LAMC3: variants seen among roughly 807,000 people sequenced by gnomAD.
LAMC3 encodes the protein laminin subunit gamma 3.
In LAMC3, 128 loss-of-function variants were observed where a neutral mutation model predicts 173.8. The ratio of observed to expected loss-of-function variants is 0.74; its 90% confidence interval spans 0.64 to 0.85. The LOEUF (loss-of-function observed/expected upper bound fraction) is 0.85. Ranked by LOEUF, LAMC3 falls within the 40% of genes least tolerant of loss-of-function variation. The pLI, the probability that LAMC3 is intolerant of heterozygous loss-of-function variation, is 0.00. For missense variants in LAMC3, 2,022 were observed against 2,156.0 expected (o/e 0.94, Z 1.23); for synonymous variants, 897 against 909.1 (o/e 0.99, Z 0.24).
At chr9:131,034,645 G>A (rs1331642367) in intron 3 of LAMC3, among the ~76,000 whole-genome samples, 1 of 152,224 alleles carries the variant, frequency 6.6e-6, no homozygotes, top group African/African-American at 2.4e-5. Flanking sequence ...GTGTGGAATG[G>A]GGACGCTAAT....
In LAMC3 at chr9:131,085,509, C is replaced by T. The variant is rs373166874; in HGVS notation, c.4031-15C>T. 2 of 1,613,394 alleles carry T rather than the reference C, an allele frequency of 1.2e-6. No homozygotes were observed. The highest frequency in any genetic ancestry group is 1.7e-5 in the Admixed American group (1 of 60,012). On this transcript the variant is annotated splice_polypyrimidine_tract_variant and intron_variant, in intron 24 of 27. Transcript: ENST00000361069. ...GAGCCCAGTTCCCCTGACCCAGCCT[C>T]AGCCGGGTTTGCAGGAATGAAGCTG...
chr9:131,071,345 A>G lies in LAMC3; in HGVS notation c.3070-139A>G, dbSNP rs1050588876. The G allele has an allele frequency of 9.9e-6, 9 of 907,672 alleles. No individual in the cohort carries two copies. The African/African-American group carries it at 1.3e-4, about 13-fold the overall frequency. The allele number at this position is 907,672 out of a possible 1,614,324, so 56.2% of individuals were successfully genotyped here. ...GGATTGGCTCTCAGAGGTGTGGCAT[A>G]CCCTTAGCGCTGAGGCCCAGGGGAG... On this transcript the variant is annotated intron_variant, in intron 17 of 27. Transcript: ENST00000361069.
At chr9:131,085,379 G>A (rs1830310843) in intron 24 of LAMC3, 145 bp from the exon 25 acceptor site, 2 of 769,660 alleles carry the variant, frequency 2.6e-6, no homozygotes, top group African/African-American at 3.4e-5. Flanking sequence ...AGCCTGAGAA[G>A]GCGATATGCA....
rs769896976 is a variant in LAMC3 at position 131,071,642 on chromosome 9, G to C, written c.3211+17G>C. On this transcript the variant is annotated intron_variant, in intron 18 of 27. Transcript: ENST00000361069. ...TGCTTCCAGGTACAGCAGGAGCGCA[G>C]AGCGGGAGGGTGGGAGGCAAGGGGA... 6.5e-7 allele frequency: 1 copy of C among 1,541,198 alleles called. No homozygotes were observed. Among genetic ancestry groups the C allele is most frequent in the South Asian group, 1.2e-5 (1 of 80,308 alleles).
At chr9:131,083,596 C>G (rs958869276) in intron 24 of LAMC3, among the ~76,000 whole-genome samples, 3 of 152,104 alleles carry the variant, frequency 2.0e-5, no homozygotes, top group African/African-American at 7.2e-5. Context: ...TTACAGAGAA[C>G]GCTTGAGAAT....
In LAMC3 at chr9:131,019,198, G is replaced by A. The variant is rs1833584209; in HGVS notation, c.374-7087G>A. On this transcript the variant is annotated intron_variant, in intron 1 of 27. Transcript: ENST00000361069. ...AATGGCTTGAATCCAGGGGACGGAG[G>A]TTGAAGTGAGCCAAGATCACGCCAC... Among the ~76,000 whole-genome samples, 3 of 152,194 alleles carry A rather than the reference G, an allele frequency of 2.0e-5. No individual in the cohort carries two copies. The South Asian group carries it at 6.2e-4, about 32-fold the overall frequency.
intron 1 of LAMC3, among the ~76,000 whole-genome samples, chr9:131,015,896 G>C (rs1029099191): frequency 1.3e-5 from 2 of 152,218 alleles, no homozygotes; most frequent in Non-Finnish European, 2.9e-5. Flanking sequence ...GACCTCAGGT[G>C]ATCTGCCCTC....
Position 131,026,557 on chromosome 9 carries a change from G to A in LAMC3, c.646G>A (p.Ala216Thr), listed in dbSNP as rs766172425. The A allele has an allele frequency of 4.5e-5, 73 of 1,606,356 alleles. 1 individual carries two copies. Among genetic ancestry groups the A allele is most frequent in the South Asian group, 3.8e-4 (34 of 90,360 alleles). The change falls in exon 2 of 28, where the codon GCC becomes ACC. Residue 216 changes from alanine to threonine, a missense_variant. Ala to Thr is a moderately conservative substitution (Grantham distance 58, BLOSUM62 0). Coordinates refer to ENST00000361069, the MANE Select transcript of LAMC3 (RefSeq NM_006059.4). The surrounding 1 kb of genome is among the most constrained non-coding windows in gnomAD (Gnocchi z 4.8). Reference protein sequence around the residue: ...AFSTLEGRPSAYNFEESPGLQ... With the variant: ...AFSTLEGRPSTYNFEESPGLQ... ...CTCCACCCTGGAGGGCCGGCCCAGCGCCTACAACTTCGAGGAGAGCCCTGG... is the reference window on the plus strand; with the variant it reads ...CTCCACCCTGGAGGGCCGGCCCAGCACCTACAACTTCGAGGAGAGCCCTGG...
At position 131,091,892 on chromosome 9, in the gene LAMC3, G is replaced by A. The variant is rs139503002; in HGVS notation, c.*105G>A. ...GCCCATACAGACATTCCCCGGAGCCGGCTGCTGTGAACTCGCCCCCGTGTG... is the reference window on the plus strand; with the variant it reads ...GCCCATACAGACATTCCCCGGAGCCAGCTGCTGTGAACTCGCCCCCGTGTG... On this transcript the variant is annotated 3_prime_UTR_variant, in exon 28 of 28. Transcript: ENST00000361069. 1.1e-3 allele frequency: 1,617 copies of A among 1,423,140 alleles called. 12 individuals are homozygous for A. In the African/African-American group the frequency reaches 0.015, roughly 13 times the overall value. 88.2% of individuals were successfully genotyped at this position (1,423,140 alleles called of 1,614,324 possible).
At position 131,056,904 on chromosome 9, in the gene LAMC3, TCCTCTCTC is replaced by T. The variant is rs1300097975; in HGVS notation, c.1940-21_1940-14del. On this transcript the variant is annotated splice_polypyrimidine_tract_variant and intron_variant, in intron 11 of 27. Transcript: ENST00000361069. Reference sequence around the variant, plus strand: ...TGCAGGGAGCTTGTGCCTCCTCTCTTCCTCTCTCCCTTCTCGCTCTGCAGGTCCAGTGT... The same window carrying T: ...TGCAGGGAGCTTGTGCCTCCTCTCTTCCTTCTCGCTCTGCAGGTCCAGTGT... 1.9e-6 allele frequency: 3 copies of T among 1,595,742 alleles called. No individual in the cohort carries two copies. Among genetic ancestry groups the T allele is most frequent in the Non-Finnish European group, 2.6e-6 (3 of 1,168,262 alleles).
At chr9:131,054,913 C>T (rs1439384616) in intron 11 of LAMC3, among the ~76,000 whole-genome samples, 1 of 152,162 alleles carries the variant, frequency 6.6e-6, no homozygotes, top group African/African-American at 2.4e-5. Context: ...TTTTTGTCAG[C>T]TAACAGTGCG....
intron 25 of LAMC3, 79 bp downstream of exon 25, chr9:131,085,802 C>A: frequency 7.4e-7 from 1 of 1,346,646 alleles, no homozygotes; most frequent in South Asian, 1.2e-5. Flanking sequence ...TTCCCGACAT[C>A]CGTGCTGACT....
At chr9:131,077,459 C>A in intron 22 of LAMC3, 125 bp downstream of exon 22, 2 of 1,240,140 alleles carry the variant, frequency 1.6e-6, no homozygotes, top group Non-Finnish European at 2.3e-6. Flanking sequence ...GGTGGATCAC[C>A]TGAGGTCAGG....
Position 131,057,163 on chromosome 9 carries a change from C to T in LAMC3, c.2158+16C>T. ...CCCAACACAGGTGAGTCTCCTGGCA[C>T]CCCATCCGAAGGCACCTGGGTTATA... On this transcript the variant is annotated intron_variant, in intron 12 of 27. Transcript: ENST00000361069. The T allele has an allele frequency of 1.2e-6, 2 of 1,608,706 alleles. No homozygotes were observed. Among genetic ancestry groups the T allele is most frequent in the South Asian group, 2.2e-5 (2 of 90,992 alleles).
Position 131,036,318 on chromosome 9 carries a change from C to T in LAMC3, c.962C>T (p.Ala321Val), listed in dbSNP as rs77114147. The T allele has an allele frequency of 1.4e-5, 23 of 1,612,980 alleles. No individual in the cohort carries two copies. The East Asian group carries it at 4.5e-4, about 31-fold the overall frequency. ...TGGGCCCGGGGCACCGCCGAGGCTGCCCACGAGTGTCTGCGTGAGTGTCTG... is the reference window on the plus strand; with the variant it reads ...TGGGCCCGGGGCACCGCCGAGGCTGTCCACGAGTGTCTGCGTGAGTGTCTG... Reference protein sequence around the residue: ...RPWARGTAEAAHECLPCNCSG... With the variant: ...RPWARGTAEAVHECLPCNCSG... Residue 321 changes from alanine to valine, a missense_variant, in exon 4 of 28, where the codon GCC (alanine) becomes GTC (valine). Ala to Val is a moderately conservative substitution (Grantham distance 64). Transcript: ENST00000361069.
At position 131,087,727 on chromosome 9, in the gene LAMC3, G is replaced by A. The variant is rs1321048105; in HGVS notation, c.4387G>A (p.Gly1463Arg). 8.1e-6 allele frequency: 13 copies of A among 1,614,002 alleles called. No individual in the cohort carries two copies. The highest frequency in any genetic ancestry group is 1.1e-5 in the South Asian group (1 of 91,088). Reference protein sequence around the residue: ...ELEEAERVGAGLSEMEQQIRE... With the variant: ...ELEEAERVGARLSEMEQQIRE... Reference sequence around the variant, plus strand: ...CTCCTCCCCCTGAAAGGTGGGTGCTGGGCTGAGCGAGATGGAGCAGCAGAT... The same window carrying A: ...CTCCTCCCCCTGAAAGGTGGGTGCTAGGCTGAGCGAGATGGAGCAGCAGAT... The change falls in exon 27 of 28, where the codon GGG (glycine) becomes AGG (arginine). Residue 1463 changes from glycine to arginine, a missense_variant. Physicochemically the swap from Gly to Arg is moderately radical, Grantham distance 125 (BLOSUM62 -2). Transcript: ENST00000361069.
intron 2 of LAMC3, 65 bp from the exon 3 acceptor site, chr9:131,031,980 A>G (rs1564367876): frequency 6.2e-7 from 1 of 1,612,766 alleles, no homozygotes. Flanking sequence ...CTGCCAGCAG[A>G]GCGATGGGGG....
chr9:131,031,456 A>C (rs1833821421), intron 2 of LAMC3, among the ~76,000 whole-genome samples: 1 of 152,156 alleles, frequency 6.6e-6, no homozygotes, highest in Non-Finnish European at 1.5e-5. Flanking sequence ...CGTGGAAGAG[A>C]TGTCACCTGA....
intron 15 of LAMC3, among the ~76,000 whole-genome samples, chr9:131,068,623 G>C (rs1048088017): frequency 6.6e-6 from 1 of 152,186 alleles, no homozygotes; most frequent in Non-Finnish European, 1.5e-5. Context: ...ACTTCTCAGA[G>C]CTCTTACTAT....
Sources: gnomAD v4.1 joint callset for allele counts (sites outside exome capture counted in the v4.1 genomes callset) on GRCh38, gnomAD v4.1.1 for gene constraint, Gnocchi (gnomAD v3.1) non-coding constraint, MANE v1.5 for transcripts, NCBI Gene and HGNC (gene_info 2026-07-23, HGNC 2026-07-21) for gene names.